Variants in NMT2 observed in about 807,000 individuals in gnomAD.
NMT2 encodes glycylpeptide N-tetradecanoyltransferase 2.
NMT2 carries 35 observed loss-of-function variants against 65.4 expected under a neutral mutation model. That is an observed-to-expected ratio of 0.54 (90% CI 0.41 to 0.71). NMT2 has a LOEUF of 0.71. NMT2 is among the 30% of genes least tolerant of loss of function. The pLI is 0.00. For missense variants in NMT2, 489 were observed against 611.3 expected, an observed-to-expected ratio of 0.80 and a Z score of 2.11; for synonymous variants, 226 against 231.8, an observed-to-expected ratio of 0.98 and a Z score of 0.23.
rs1845421491 is a variant in NMT2, at chr10:15,109,225, G to A, written c.1477-10C>T. The A allele has an allele frequency of 6.2e-7, 1 of 1,602,444 alleles. No homozygotes were observed. Among genetic ancestry groups the A allele is most frequent in the Admixed American group, 1.8e-5 (1 of 56,490 alleles). The stretch of plus-strand genomic sequence containing the variant: ...GTAGTACTAGTCCAACCTGAAGGGA[G>A]GGAAGAAATGGAATAGTAAGAAAAA... On this transcript the variant is annotated splice_polypyrimidine_tract_variant and intron_variant, in intron 11 of 11. Coordinates refer to ENST00000378165, the MANE Select transcript of NMT2 (RefSeq NM_004808.3).
chr10:15,112,832 C>T lies in NMT2; in HGVS notation c.1302G>A (p.Leu434=), dbSNP rs1845608849. The T allele has an allele frequency of 1.2e-6, 2 of 1,613,888 alleles. No individual in the cohort carries two copies. The highest frequency in any genetic ancestry group is 3.3e-5 in the Admixed American group (2 of 59,952). The change falls in exon 10 of 12, where the codon CTG becomes CTA. Residue 434 remains leucine, a synonymous_variant. Coordinates refer to ENST00000378165, the MANE Select transcript of NMT2 (RefSeq NM_004808.3). The stretch of plus-strand genomic sequence containing the variant: ...GGATGAGCGCGTCGCTCATGAGGTC[C>T]AGCAGGGGCGTCTCTGTGTGGATGT... ...FYNIHTETPL[L]DLMSDALILA...
At position 15,107,342 on chromosome 10, in the gene NMT2, A is replaced by G; in HGVS notation, c.*1853T>C. 1.0e-6 allele frequency: 1 copy of G among 985,348 alleles called. No homozygotes were observed. Among genetic ancestry groups the G allele is most frequent in the Non-Finnish European group, 1.2e-6 (1 of 829,850 alleles). The allele number at this position is 985,348 out of a possible 1,614,324, so 61.0% of individuals were successfully genotyped here. A position where few individuals can be genotyped will look rare whatever the true frequency, so the allele number is the denominator to read the frequency against. On this transcript the variant is annotated 3_prime_UTR_variant, in exon 12 of 12. Coordinates refer to ENST00000378165, the MANE Select transcript of NMT2 (RefSeq NM_004808.3). ...TTTGGTGGCCCCTGCCTGGGATAAG[A>G]TATGATTGGTTTCACTGGACTCATA...
intron 9 of NMT2, among the ~76,000 whole-genome samples, chr10:15,119,125 C>T (rs11815227): frequency 0.019 from 2,854 of 152,332 alleles, 84 homozygotes; most frequent in African/African-American, 0.065. Flanking sequence ...TATTCCTCAA[C>T]ACCACACCCT....
rs1158146302 is a variant in NMT2, at chr10:15,109,165, T to C, written c.*30A>G. On this transcript the variant is annotated 3_prime_UTR_variant, in exon 12 of 12. Transcript: ENST00000378165. ...ATCATTAAATATTAACAAATGATGA[T>C]GTCAGAGTTCTAGAAATAAAAATAT... is the stretch of plus-strand genomic sequence containing the variant. 4 of 1,601,956 alleles carry C rather than the reference T, an allele frequency of 2.5e-6. No individual in the cohort carries two copies. Among genetic ancestry groups the C allele is most frequent in the Non-Finnish European group, 3.4e-6 (4 of 1,176,340 alleles).
intron 1 of NMT2, among the ~76,000 whole-genome samples, chr10:15,143,507 T>TTG (rs1305934126): frequency 1.3e-5 from 2 of 152,256 alleles, no homozygotes; most frequent in Non-Finnish European, 2.9e-5. Context: ...GGAAGGACGC[T>TTG]TTGAAGTAGA....
At chr10:15,145,828 C>T (rs1354469233) in intron 1 of NMT2, among the ~76,000 whole-genome samples, 1 of 152,150 alleles carries the variant, frequency 6.6e-6, no homozygotes, top group Non-Finnish European at 1.5e-5. Flanking sequence ...GGCTGCTTAG[C>T]CAGGGGTCTG....
intron 1 of NMT2, 145 bp from the exon 2 acceptor site, chr10:15,141,702 A>G (rs1846772832): frequency 9.0e-7 from 1 of 1,115,770 alleles, no homozygotes; most frequent in Non-Finnish European, 1.2e-6. Context: ...TGAGGAATAA[A>G]AGGTAGTGGA....
intron 1 of NMT2, among the ~76,000 whole-genome samples, chr10:15,145,418 C>A (rs113923918): frequency 6.6e-6 from 1 of 152,250 alleles, no homozygotes; most frequent in East Asian, 1.9e-4. Context: ...CTCACTTTGT[C>A]GCCCAGGCTG....
chr10:15,164,057 ACTG>A (rs1447689284), intron 1 of NMT2, among the ~76,000 whole-genome samples: 1 of 151,784 alleles, frequency 6.6e-6, no homozygotes, highest in Non-Finnish European at 1.5e-5. Flanking sequence ...GCGGGCGCCT[ACTG>A]TAGTCCCAGC....
At chr10:15,142,781 A>G (rs1032707482) in intron 1 of NMT2, among the ~76,000 whole-genome samples, 19 of 152,212 alleles carry the variant, frequency 1.2e-4, no homozygotes, top group African/African-American at 4.1e-4. Flanking sequence ...CCTGGTGGCC[A>G]AGGACACTCA....
intron 8 of NMT2, among the ~76,000 whole-genome samples, chr10:15,126,889 C>A (rs1846089624): frequency 6.6e-6 from 1 of 152,210 alleles, no homozygotes; most frequent in Admixed American, 6.5e-5. Context: ...TATAGCCAAG[C>A]CCCAAATAAA....
chr10:15,134,324 C>G (rs574732310), intron 3 of NMT2, among the ~76,000 whole-genome samples: 5 of 152,324 alleles, frequency 3.3e-5, no homozygotes, highest in Admixed American at 6.5e-5. Flanking sequence ...CTCCCTGCCC[C>G]CTGCTCCCAG....
At chr10:15,121,506 T>A (rs1348109005) in intron 8 of NMT2, among the ~76,000 whole-genome samples, 1 of 152,176 alleles carries the variant, frequency 6.6e-6, no homozygotes, top group East Asian at 1.9e-4. Flanking sequence ...TAACTGGGAT[T>A]ACAGGCACCT....
At chr10:15,137,469 G>T (rs1429759422) in intron 2 of NMT2, among the ~76,000 whole-genome samples, 2 of 151,962 alleles carry the variant, frequency 1.3e-5, no homozygotes, top group African/African-American at 4.8e-5. Context: ...TTTTCCTTGG[G>T]TGTCTTTTAA....
Position 15,107,641 on chromosome 10 carries a change from G to A in NMT2, c.*1554C>T, listed in dbSNP as rs2131448119. 1 of 489,330 alleles carries A rather than the reference G, an allele frequency of 2.0e-6. No individual in the cohort carries two copies. The highest frequency in any genetic ancestry group is 2.6e-6 in the Non-Finnish European group (1 of 377,446). 30.3% of individuals were successfully genotyped at this position (489,330 alleles called of 1,614,324 possible). Reference sequence around the variant, plus strand: ...TAGTTCTTTTTGAATTTTTAGTAGAGATGGGGTTTCACCATGTTGGCCAGG... The same window carrying A: ...TAGTTCTTTTTGAATTTTTAGTAGAAATGGGGTTTCACCATGTTGGCCAGG... On this transcript the variant is annotated 3_prime_UTR_variant, in exon 12 of 12. Transcript: ENST00000378165.
At chr10:15,156,220 C>T (rs1455421435) in intron 1 of NMT2, among the ~76,000 whole-genome samples, 1 of 151,986 alleles carries the variant, frequency 6.6e-6, no homozygotes, top group Non-Finnish European at 1.5e-5. Flanking sequence ...ATCATGGGGG[C>T]GGTTACCCTC....
At chr10:15,141,033 T>G (rs1846737389) in intron 2 of NMT2, 3 of 1,550,710 alleles carry the variant, frequency 1.9e-6, no homozygotes, top group Non-Finnish European at 2.6e-6. Flanking sequence ...TGTTGTGCTA[T>G]TCAGGTAATT....
chr10:15,155,034 A>G (rs1341595991), intron 1 of NMT2: 1 of 1,228,962 alleles, frequency 8.1e-7, no homozygotes, highest in South Asian at 1.2e-5. Flanking sequence ...CATGGACAAG[A>G]TGCCAGGACC....
rs556205164 is a variant in NMT2, at chr10:15,151,863, A to G, written c.111-10306T>C. Among the ~76,000 whole-genome samples the G allele has an allele frequency of 7.2e-5, 11 of 152,278 alleles. No individual in the cohort carries two copies. The East Asian group carries it at 2.1e-3, about 29-fold the overall frequency. On this transcript the variant is annotated intron_variant, in intron 1 of 11. Transcript: ENST00000378165. ...AACATGGTGAAACCCCGTCTCTACC[A>G]AAAATATAAAAAACTAGCTGGGTGT...
Sources: allele counts gnomAD v4.1 joint callset (sites outside exome capture counted in the v4.1 genomes callset), GRCh38; gene constraint gnomAD v4.1.1; transcripts MANE v1.5; gene names NCBI Gene and HGNC (gene_info 2026-07-23, HGNC 2026-07-21).